The following HAVCR2 variants were observed in gnomAD, a reference collection of about 807,000 sequenced individuals.
HAVCR2 encodes the protein hepatitis A virus cellular receptor 2.
HAVCR2 carries 13 observed loss-of-function variants against 24.7 expected under a neutral mutation model. The observed-to-expected ratio is 0.53, with a 90% CI of 0.34 to 0.84. The LOEUF is 0.84. HAVCR2 is among the 40% of genes least tolerant of loss of function. HAVCR2 has a pLI of 0.01. For synonymous variants in HAVCR2, 154 were observed against 143.4 expected (o/e 1.07, Z -0.53); for missense variants, 343 against 371.2 (o/e 0.92, Z 0.62).
chr5:157,094,665 G>A (rs1285121636), intron 5 of HAVCR2, among the ~76,000 whole-genome samples: 1 of 151,726 alleles, frequency 6.6e-6, no homozygotes, highest in African/African-American at 2.4e-5. Context: ...TTACAGGCGT[G>A]AGCCACTGCG....
chr5:157,106,525 A>G lies in HAVCR2; in HGVS notation c.394+102T>C. On this transcript the variant is annotated intron_variant, in intron 2 of 6. Coordinates refer to ENST00000307851, the MANE Select transcript of HAVCR2 (RefSeq NM_032782.5). ...CTTTAGGTCTTAGTGGCCCTCCTCCAGGGCTATAATTAGGGAAGTCAGAGA... is the reference window on the plus strand; with the variant it reads ...CTTTAGGTCTTAGTGGCCCTCCTCCGGGGCTATAATTAGGGAAGTCAGAGA... 6.1e-6 allele frequency: 6 copies of G among 980,904 alleles called. No individual in the cohort carries two copies. In the South Asian group the frequency reaches 9.3e-5, roughly 15 times the overall value. 60.8% of individuals were successfully genotyped at this position (980,904 alleles called of 1,614,324 possible).
chr5:157,090,334 G>A (rs1756980204), intron 5 of HAVCR2, among the ~76,000 whole-genome samples: 1 of 151,754 alleles, frequency 6.6e-6, no homozygotes, highest in African/African-American at 2.4e-5. Flanking sequence ...AGTGGCTCAC[G>A]CCTGTAATCC....
At chr5:157,100,078 G>T (rs777905533) in intron 3 of HAVCR2, among the ~76,000 whole-genome samples, 4 of 152,120 alleles carry the variant, frequency 2.6e-5, no homozygotes, top group Non-Finnish European at 5.9e-5. Flanking sequence ...TAATCACTGT[G>T]GTCACAATGT....
intron 1 of HAVCR2, 68 bp from the exon 2 acceptor site, chr5:157,107,030 G>T (rs750357771): frequency 5.6e-5 from 72 of 1,281,250 alleles, no homozygotes; most frequent in Non-Finnish European, 7.4e-5. Flanking sequence ...CAGGAAAACT[G>T]CAAGCCATGT....
chr5:157,102,384 A>T (rs1295277145), intron 3 of HAVCR2, among the ~76,000 whole-genome samples: 1 of 152,148 alleles, frequency 6.6e-6, no homozygotes, highest in African/African-American at 2.4e-5. Context: ...CCATTTTTAT[A>T]TTAAATGCTC....
intron 3 of HAVCR2, 104 bp downstream of exon 3, chr5:157,104,562 T>C: frequency 1.4e-6 from 1 of 736,640 alleles, no homozygotes; most frequent in Non-Finnish European, 2.3e-6. Context: ...GAGATATCCA[T>C]GCCTCCACTC....
At chr5:157,101,423 G>C (rs1187612287) in intron 3 of HAVCR2, among the ~76,000 whole-genome samples, 2 of 152,190 alleles carry the variant, frequency 1.3e-5, no homozygotes, top group African/African-American at 2.4e-5. Flanking sequence ...AGATGTGATG[G>C]CCTTAACAGT....
chr5:157,091,117 G>A (rs1460872595), intron 5 of HAVCR2, among the ~76,000 whole-genome samples: 1 of 152,188 alleles, frequency 6.6e-6, no homozygotes, highest in East Asian at 1.9e-4. Flanking sequence ...TTTCTAGAAT[G>A]AGTGATCAAT....
chr5:157,089,411 C>T (rs1756961075), intron 5 of HAVCR2, among the ~76,000 whole-genome samples: 2 of 152,202 alleles, frequency 1.3e-5, no homozygotes, highest in African/African-American at 4.8e-5. Flanking sequence ...TGGCCCATGC[C>T]TGTAATCCCA....
At chr5:157,106,192 G>A (rs139845060) in intron 2 of HAVCR2, 362 of 153,866 alleles carry the variant, frequency 2.4e-3, no homozygotes, top group African/African-American at 8.0e-3. Context: ...GTACAATGGC[G>A]AGATCTTGGC....
intron 5 of HAVCR2, among the ~76,000 whole-genome samples, chr5:157,094,492 C>A (rs1347214577): frequency 6.6e-6 from 1 of 151,356 alleles, no homozygotes; most frequent in African/African-American, 2.4e-5. Flanking sequence ...TGAGTGATTC[C>A]TCTGCCTCAG....
Position 157,086,462 on chromosome 5 carries a change from C to G in HAVCR2, c.*640G>C, listed in dbSNP as rs190247588. 1 of 152,372 alleles carries G rather than the reference C, an allele frequency of 6.6e-6. No individual in the cohort carries two copies. The highest frequency in any genetic ancestry group is 2.1e-4 in the South Asian group (1 of 4,836). 9.4% of individuals were successfully genotyped at this position (152,372 alleles called of 1,614,324 possible). A position where few individuals can be genotyped will look rare whatever the true frequency, so the allele number is the denominator to read the frequency against. On this transcript the variant is annotated 3_prime_UTR_variant, in exon 7 of 7. Coordinates refer to ENST00000307851, the MANE Select transcript of HAVCR2 (RefSeq NM_032782.5). ...AGGAGTTTGAGACCACACTGGCCAA[C>G]ATGGTGAAACCCTGTCTCTACTAAA...
chr5:157,107,067 C>T, intron 1 of HAVCR2, 105 bp from the exon 2 acceptor site: 1 of 872,000 alleles, frequency 1.1e-6, no homozygotes, highest in Non-Finnish European at 1.8e-6. Context: ...GAAGCTACTG[C>T]TGCAGTCCTG....
At chr5:157,106,502 T>G (rs1181466885) in intron 2 of HAVCR2, 125 bp downstream of exon 2, 2 of 732,744 alleles carry the variant, frequency 2.7e-6, no homozygotes, top group Non-Finnish European at 4.5e-6. Context: ...CTGTTAAACT[T>G]TAGGTCTTAG....
At chr5:157,088,886 G>T in intron 6 of HAVCR2, 55 bp downstream of exon 6, 4 of 1,426,226 alleles carry the variant, frequency 2.8e-6, no homozygotes, top group Non-Finnish European at 3.9e-6. Flanking sequence ...AGACATGTTA[G>T]AGTAGGGACT....
At chr5:157,099,041 A>G in intron 3 of HAVCR2, 140 bp from the exon 4 acceptor site, 1 of 750,040 alleles carries the variant, frequency 1.3e-6, no homozygotes, top group Non-Finnish European at 2.0e-6. Flanking sequence ...CGTACTTGTC[A>G]CAATAATTAA....
Position 157,104,696 on chromosome 5 carries a change from T to C in HAVCR2, c.448A>G (p.Arg150Gly), listed in dbSNP as rs535670938. ...RQRDFTAAFP[R>G]MLTTRGHGPA... ...CCATGTCCCCTGGTGGTAAGCATCC[T>C]TGGAAAGGCTGCAGTGAAGTCTCTC... is the stretch of plus-strand genomic sequence containing the variant. The change falls in exon 3 of 7, where the codon AGG (arginine) becomes GGG (glycine). Residue 150 changes from arginine (R) to glycine (G), a missense_variant. Transcript: ENST00000307851. 1.1e-5 allele frequency: 17 copies of C among 1,604,802 alleles called. No homozygotes were observed. The highest frequency in any genetic ancestry group is 1.4e-5 in the Non-Finnish European group (16 of 1,175,166).
intron 6 of HAVCR2, among the ~76,000 whole-genome samples, chr5:157,087,880 G>A (rs570686829): frequency 6.8e-6 from 1 of 147,720 alleles, no homozygotes; most frequent in Admixed American, 6.8e-5. Context: ...TCCAGCCTGG[G>A]TGACAGAGCC....
chr5:157,097,782 T>C (rs1667265520), intron 4 of HAVCR2, among the ~76,000 whole-genome samples: 1 of 151,882 alleles, frequency 6.6e-6, no homozygotes, highest in Non-Finnish European at 1.5e-5. Context: ...TTTGTATTTT[T>C]AGTAGAGATG....
Sources: allele counts gnomAD v4.1 joint callset (sites outside exome capture counted in the v4.1 genomes callset), GRCh38; gene constraint gnomAD v4.1.1; transcripts MANE v1.5; gene names NCBI Gene and HGNC (gene_info 2026-07-23, HGNC 2026-07-21).